The following GSG1L variants were observed in gnomAD, a reference collection of about 807,000 sequenced individuals.
GSG1L encodes germ cell-specific gene 1-like protein.
A neutral mutation model predicts 42.1 loss-of-function variants in GSG1L; 24 were observed. The ratio of observed to expected loss-of-function variants is 0.57; its 90% confidence interval spans 0.41 to 0.80. The LOEUF (loss-of-function observed/expected upper bound fraction) is 0.80. GSG1L is among the 30% of genes least tolerant of loss of function. The probability of loss-of-function intolerance (pLI) is 0.00; values close to 1 mark genes in which losing one functional copy is unlikely to be tolerated. For missense variants in GSG1L, 445 were observed against 472.2 expected (o/e 0.94, Z 0.53); for synonymous variants, 215 against 203.5 (o/e 1.06, Z -0.48).
At chr16:27,973,357 T>A (rs1043842516) in intron 1 of GSG1L, among the ~76,000 whole-genome samples, 1 of 137,004 alleles carries the variant, frequency 7.3e-6, no homozygotes, top group Non-Finnish European at 1.5e-5. Flanking sequence ...GGCAGGAGAA[T>A]CACTTGAACC....
Position 27,977,795 on chromosome 16 carries a change from C to T in GSG1L, c.350-14592G>A, listed in dbSNP as rs144591381. On this transcript the variant is annotated intron_variant, in intron 1 of 6. Transcript: ENST00000447459. ...CTCTACACCCCACTGTCCCCACCACCATGAGATTATTTTGAAACAAATTCC... is the reference window on the plus strand; with the variant it reads ...CTCTACACCCCACTGTCCCCACCACTATGAGATTATTTTGAAACAAATTCC... Among the ~76,000 whole-genome samples the T allele has an allele frequency of 2.8e-4, 43 of 152,078 alleles. 1 individual carries two copies. Among genetic ancestry groups the T allele is most frequent in the African/African-American group, 1.0e-3 (42 of 41,514 alleles).
At chr16:28,037,214 T>C (rs954094228) in intron 1 of GSG1L, among the ~76,000 whole-genome samples, 1 of 152,216 alleles carries the variant, frequency 6.6e-6, no homozygotes, top group Non-Finnish European at 1.5e-5. Flanking sequence ...TTAGCAGAGA[T>C]GGGGTTTCAC....
At chr16:27,967,797 C>G (rs1352788144) in intron 1 of GSG1L, among the ~76,000 whole-genome samples, 1 of 152,138 alleles carries the variant, frequency 6.6e-6, no homozygotes, top group African/African-American at 2.4e-5. Context: ...CCTGTAATCC[C>G]AGCTACTTGG....
intron 3 of GSG1L, among the ~76,000 whole-genome samples, chr16:27,883,878 C>A (rs945936496): frequency 1.3e-5 from 2 of 152,198 alleles, no homozygotes; most frequent in Non-Finnish European, 2.9e-5. Flanking sequence ...TCCTATGATG[C>A]AGTTGACTGT....
intron 2 of GSG1L, among the ~76,000 whole-genome samples, chr16:27,900,934 C>A (rs2084249824): frequency 6.6e-6 from 1 of 151,932 alleles, no homozygotes; most frequent in African/African-American, 2.4e-5. Flanking sequence ...TCAAGACCAG[C>A]CTGGCCAAAA....
At chr16:27,910,424 ACCTCT>A (rs2084374847) in intron 2 of GSG1L, among the ~76,000 whole-genome samples, 1 of 152,016 alleles carries the variant, frequency 6.6e-6, no homozygotes, top group African/African-American at 2.4e-5. Flanking sequence ...CATCACAAAA[ACCTCT>A]GTGAGGTAGG....
Position 27,828,841 on chromosome 16 carries a change from G to A in GSG1L, c.778C>T (p.Arg260Trp), listed in dbSNP as rs551237467. ...HKRKVFEQGY[R>W]EEPTFIDPEA... is the part of the protein sequence containing the mutation. ...GGGTCTATGAAGGTCGGCTCTTCCC[G>A]GTAGCCCTGCTCAAAGACCTTGCGC... Residue 260 changes from arginine (R) to tryptophan (W), a missense_variant, in exon 5 of 7, where the codon CGG (arginine) becomes TGG (tryptophan). Around this residue, in one of 3 missense-constraint regions of GSG1L, gnomAD observed 140 missense variants for 120.6 expected, o/e 1.16. Transcript: ENST00000447459. 5.8e-5 allele frequency: 93 copies of A among 1,614,144 alleles called. 1 individual carries two copies. Among genetic ancestry groups the A allele is most frequent in the South Asian group, 4.6e-4 (42 of 91,076 alleles).
intron 3 of GSG1L, chr16:27,850,425 G>A (rs1002750569): frequency 9.1e-6 from 4 of 440,752 alleles, no homozygotes; most frequent in East Asian, 1.4e-4. Context: ...ACTTAAATGC[G>A]TGAATCATCT....
At chr16:27,949,536 C>T (rs2084927605) in intron 2 of GSG1L, among the ~76,000 whole-genome samples, 2 of 152,164 alleles carry the variant, frequency 1.3e-5, no homozygotes, top group South Asian at 2.1e-4. Flanking sequence ...GGGAGGATTG[C>T]TTGGGCCCAG....
In GSG1L at chr16:28,003,656, G is replaced by A. The variant is rs77186691; in HGVS notation, c.350-40453C>T. ...GCTCCCAGAGGAGAAGAACTGGGCC[G>A]GCCAGGTCTCTCCAAAGTGTCCGTT... On this transcript the variant is annotated intron_variant, in intron 1 of 6. Coordinates refer to ENST00000447459, the MANE Select transcript of GSG1L (RefSeq NM_001109763.2). Among the ~76,000 whole-genome samples the A allele has an allele frequency of 2.4e-3, 361 of 152,274 alleles. 15 individuals carry two copies. In the East Asian group the frequency reaches 0.059, roughly 25 times the overall value.
At chr16:27,796,689 G>A (rs2082821169) in intron 6 of GSG1L, among the ~76,000 whole-genome samples, 2 of 152,208 alleles carry the variant, frequency 1.3e-5, no homozygotes, top group African/African-American at 4.8e-5. Context: ...TGTTTTAGGA[G>A]ATTGAATGGG....
chr16:27,951,199 G>C (rs1241590376), intron 2 of GSG1L, among the ~76,000 whole-genome samples: 2 of 152,142 alleles, frequency 1.3e-5, no homozygotes, highest in African/African-American at 4.8e-5. Flanking sequence ...GCTGTGAGTT[G>C]ACTGACAATG....
chr16:27,844,893 C>A, intron 4 of GSG1L, 57 bp downstream of exon 4: 2 of 804,854 alleles, frequency 2.5e-6, no homozygotes, highest in South Asian at 1.6e-5. Flanking sequence ...TGCTGAAGTC[C>A]CAGCGTGCCT....
At chr16:27,993,679 C>T (rs1320640270) in intron 1 of GSG1L, among the ~76,000 whole-genome samples, 1 of 152,058 alleles carries the variant, frequency 6.6e-6, no homozygotes, top group Non-Finnish European at 1.5e-5. Flanking sequence ...TAGGGTGGGT[C>T]CTTAGTTGAA....
At chr16:27,928,669 G>A (rs2084624069) in intron 2 of GSG1L, among the ~76,000 whole-genome samples, 1 of 151,036 alleles carries the variant, frequency 6.6e-6, no homozygotes, top group East Asian at 1.9e-4. Flanking sequence ...GGCAGGTGAG[G>A]GACTAGGTTA....
At position 27,791,449 on chromosome 16, in the gene GSG1L, G is replaced by T. The variant is rs199902586; in HGVS notation, c.917C>A (p.Ala306Glu). ...TGCGGAGCTCCGGGGCCAGGAATCC[G>T]CCATGTGTGGCTGGTGTCCTGCCAG... ...RYPARHQPHM[A>E]DSWPRSSAQE... Residue 306 changes from alanine (A) to glutamate (E), a missense_variant, in exon 7 of 7, where the codon GCG becomes GAG. This residue lies in a region of GSG1L where 140 missense variants were observed against 120.6 expected (regional missense o/e 1.16). Transcript: ENST00000447459. The T allele has an allele frequency of 1.4e-5, 21 of 1,500,880 alleles. No individual in the cohort carries two copies. Among genetic ancestry groups the T allele is most frequent in the Non-Finnish European group, 1.9e-5 (21 of 1,118,328 alleles). 93.0% of individuals were successfully genotyped at this position (1,500,880 alleles called of 1,614,324 possible). A position where few individuals can be genotyped will look rare whatever the true frequency, so the allele number is the denominator to read the frequency against.
intron 3 of GSG1L, among the ~76,000 whole-genome samples, chr16:27,879,296 A>G (rs2083923421): frequency 6.6e-6 from 1 of 152,202 alleles, no homozygotes; most frequent in African/African-American, 2.4e-5. Flanking sequence ...CCTCACGGAT[A>G]CTAAAATCCA....
intron 6 of GSG1L, among the ~76,000 whole-genome samples, chr16:27,793,181 G>A (rs1448314844): frequency 6.6e-6 from 1 of 152,194 alleles, no homozygotes. Flanking sequence ...CCTCAAAGCA[G>A]CTCTCATTAT....
intron 2 of GSG1L, among the ~76,000 whole-genome samples, chr16:27,940,403 C>A (rs1408110858): frequency 6.9e-6 from 1 of 144,322 alleles, no homozygotes; most frequent in Non-Finnish European, 1.5e-5. Context: ...CACATGCACA[C>A]GTATGTTTAT....
Sources: allele counts gnomAD v4.1 joint callset (sites outside exome capture counted in the v4.1 genomes callset), GRCh38; gene constraint gnomAD v4.1.1; regional missense constraint gnomAD v4.1.1; transcripts MANE v1.5; gene names NCBI Gene and HGNC (gene_info 2026-07-23, HGNC 2026-07-21).